The following PCDH15 variants were observed in gnomAD, a reference collection of about 807,000 sequenced individuals.
The protein encoded by PCDH15 is protocadherin-15.
A neutral mutation model predicts 178.5 loss-of-function variants in PCDH15; 129 were observed. The ratio of observed to expected loss-of-function variants is 0.72; its 90% CI spans 0.63 to 0.84. The LOEUF is 0.84. PCDH15 is among the 40% of genes least tolerant of loss of function. The pLI is 0.00. For missense variants in PCDH15, 2,230 were observed against 2,099.9 expected, an observed-to-expected ratio of 1.06 and a Z score of -1.21; for synonymous variants, 800 against 732.0, an observed-to-expected ratio of 1.09 and a Z score of -1.50.
intron 3 of PCDH15, among the ~76,000 whole-genome samples, chr10:54,424,843 A>C (rs1332737921): frequency 1.7e-5 from 2 of 120,886 alleles, no homozygotes; most frequent in African/African-American, 6.3e-5. Context: ...GGAACATCAC[A>C]CACTGGGGCC....
At chr10:55,072,777 C>G (rs942524144) in intron 2 of PCDH15, among the ~76,000 whole-genome samples, 3 of 151,782 alleles carry the variant, frequency 2.0e-5, no homozygotes, top group African/African-American at 4.8e-5. Context: ...ATACCAAAGC[C>G]GGGCAGAGAC....
rs373210689 is a variant in PCDH15, at chr10:54,402,460, C to T, written c.158-23518G>A. On this transcript the variant is annotated intron_variant, in intron 3 of 37. Transcript: ENST00000644397. ...GTATAAAATATTAAATACAGATAGGCCACCTTTTATTGCTTTCTTTATTAG... is the reference window on the plus strand; with the variant it reads ...GTATAAAATATTAAATACAGATAGGTCACCTTTTATTGCTTTCTTTATTAG... 6.7e-4 allele frequency among the ~76,000 whole-genome samples: 101 copies of T among 150,444 alleles called. 2 individuals carry two copies. In the South Asian group the frequency reaches 0.019, roughly 28 times the overall value.
At chr10:55,164,225 G>C (rs192217441) in intron 2 of PCDH15, among the ~76,000 whole-genome samples, 2 of 151,978 alleles carry the variant, frequency 1.3e-5, no homozygotes, top group Non-Finnish European at 2.9e-5. Flanking sequence ...CTTGAGTACA[G>C]ATACTAAAGG....
In PCDH15 at chr10:55,382,628, C is replaced by T. The variant is rs554731005; in HGVS notation, c.-155-215977G>A. 1.9e-3 allele frequency among the ~76,000 whole-genome samples: 287 copies of T among 152,216 alleles called. 1 individual carries two copies. Among genetic ancestry groups the T allele is most frequent in the African/African-American group, 6.5e-3 (270 of 41,550 alleles). On this transcript the variant is annotated intron_variant, in intron 2 of 5. Coordinates refer to the PCDH15 transcript ENST00000613346. Reference sequence around the variant, plus strand: ...TATATCCTATAGAACTGTATGATAACGTATATGTGTTGTTTAGGCTCTTCA... The same window carrying T: ...TATATCCTATAGAACTGTATGATAATGTATATGTGTTGTTTAGGCTCTTCA...
At chr10:54,810,129 T>C (rs1028347237) in intron 3 of PCDH15, among the ~76,000 whole-genome samples, 2 of 152,140 alleles carry the variant, frequency 1.3e-5, no homozygotes, top group African/African-American at 4.8e-5. Flanking sequence ...CAGGATACTG[T>C]AGTCAATTTT....
intron 24 of PCDH15, among the ~76,000 whole-genome samples, chr10:53,940,214 A>G (rs1458720907): frequency 6.6e-6 from 1 of 152,204 alleles, no homozygotes; most frequent in Non-Finnish European, 1.5e-5. Flanking sequence ...AAAACAGAGG[A>G]GAACTTGTGG....
chr10:53,810,549 T>C lies in PCDH15; in HGVS notation c.4671+7A>G. The C allele has an allele frequency of 6.2e-7, 1 of 1,608,580 alleles. No homozygotes were observed. The highest frequency in any genetic ancestry group is 1.7e-5 in the Admixed American group (1 of 60,008). Reference sequence around the variant, plus strand: ...ATTATCTTACATAATAAAATTACAGTAATTACCTCTTCCTCCTCATATTCT... The same window carrying C: ...ATTATCTTACATAATAAAATTACAGCAATTACCTCTTCCTCCTCATATTCT... On this transcript the variant is annotated splice_region_variant and intron_variant, in intron 37 of 37. Transcript: ENST00000644397.
intron 1 of PCDH15, among the ~76,000 whole-genome samples, chr10:54,701,418 A>T (rs1479327778): frequency 1.3e-5 from 2 of 152,114 alleles, no homozygotes; most frequent in Non-Finnish European, 2.9e-5. Context: ...ATGGCCAGCT[A>T]AAAACATGAT....
chr10:55,412,013 A>G (rs1838348311), intron 2 of PCDH15, among the ~76,000 whole-genome samples: 1 of 152,102 alleles, frequency 6.6e-6, no homozygotes, highest in East Asian at 1.9e-4. Flanking sequence ...ACATTTTACA[A>G]TCTGCGATGT....
At chr10:53,848,252 A>C (rs2078110721) in intron 28 of PCDH15, among the ~76,000 whole-genome samples, 1 of 151,950 alleles carries the variant, frequency 6.6e-6, no homozygotes, top group African/African-American at 2.4e-5. Flanking sequence ...AGGTTATAAA[A>C]AAAAAAAGAG....
At chr10:54,692,021 A>G (rs1029211798) in intron 1 of PCDH15, among the ~76,000 whole-genome samples, 1 of 152,182 alleles carries the variant, frequency 6.6e-6, no homozygotes, top group Non-Finnish European at 1.5e-5. Flanking sequence ...ATTATATTCC[A>G]GAGCTGATAA....
chr10:54,028,660 T>C (rs1426747625), intron 18 of PCDH15, among the ~76,000 whole-genome samples: 2 of 146,986 alleles, frequency 1.4e-5, no homozygotes, highest in East Asian at 2.0e-4. Flanking sequence ...AAATTGGAAA[T>C]CATCATTCTC....
intron 1 of PCDH15, among the ~76,000 whole-genome samples, chr10:55,283,134 T>C (rs986832178): frequency 1.1e-4 from 17 of 152,272 alleles, no homozygotes; most frequent in South Asian, 2.1e-4. Flanking sequence ...CTCCTGGGAA[T>C]AACATCAGTA....
intron 26 of PCDH15, among the ~76,000 whole-genome samples, chr10:53,897,959 C>CTT (rs66513139): frequency 0.015 from 1,258 of 82,350 alleles, 77 homozygotes; most frequent in African/African-American, 0.043. Context: ...TTTCTTTTCC[C>CTT]TTTTTTTTTT....
intron 26 of PCDH15, among the ~76,000 whole-genome samples, chr10:53,874,765 A>G (rs892041831): frequency 1.3e-5 from 2 of 152,160 alleles, no homozygotes; most frequent in Non-Finnish European, 1.5e-5. Context: ...TCATAACAAC[A>G]TAGACTTTAA....
At chr10:54,791,394 G>A (rs1401135281) in intron 1 of PCDH15, among the ~76,000 whole-genome samples, 2 of 151,974 alleles carry the variant, frequency 1.3e-5, no homozygotes, top group Middle Eastern at 3.4e-3. Flanking sequence ...GTTTGAAGTT[G>A]AATTCAAACT....
intron 2 of PCDH15, among the ~76,000 whole-genome samples, chr10:55,423,742 G>A (rs1296657441): frequency 6.6e-6 from 1 of 151,944 alleles, no homozygotes; most frequent in Non-Finnish European, 1.5e-5. Flanking sequence ...GTGCAGCAGG[G>A]GCAGACATAG....
intron 8 of PCDH15, among the ~76,000 whole-genome samples, chr10:54,243,435 A>C (rs1420329114): frequency 1.3e-5 from 2 of 152,166 alleles, no homozygotes; most frequent in Non-Finnish European, 1.5e-5. Flanking sequence ...TGAACCTGGG[A>C]GGCGGAGCTT....
At chr10:53,887,558 T>C (rs1029965853) in intron 26 of PCDH15, among the ~76,000 whole-genome samples, 1 of 152,172 alleles carries the variant, frequency 6.6e-6, no homozygotes, top group Non-Finnish European at 1.5e-5. Flanking sequence ...TACAGTACTC[T>C]CATGAAAATT....
Sources: allele counts gnomAD v4.1 joint callset (sites outside exome capture counted in the v4.1 genomes callset), GRCh38; gene constraint gnomAD v4.1.1; transcripts MANE v1.5; gene names NCBI Gene and HGNC (gene_info 2026-07-23, HGNC 2026-07-21).